Variants in IGF2BP1 observed in about 807,000 individuals in gnomAD.
The protein encoded by IGF2BP1 is insulin-like growth factor 2 mRNA-binding protein 1.
A neutral mutation model predicts 74.9 loss-of-function variants in IGF2BP1; 11 were observed. The observed-to-expected ratio is 0.15, with a 90% confidence interval of 0.09 to 0.24. IGF2BP1 has a LOEUF of 0.24. IGF2BP1 is among the 10% of genes least tolerant of loss of function. The pLI is 1.00. For synonymous variants in IGF2BP1, 287 were observed against 281.8 expected, an observed-to-expected ratio of 1.02 and a Z score of -0.18; for missense variants, 440 against 757.4, an observed-to-expected ratio of 0.58 and a Z score of 4.92.
At chr17:49,018,600 G>A (rs1433384223) in intron 2 of IGF2BP1, among the ~76,000 whole-genome samples, 2 of 151,722 alleles carry the variant, frequency 1.3e-5, no homozygotes, top group Non-Finnish European at 2.9e-5. Flanking sequence ...GAAATGGTGT[G>A]CAAAGTGCAT....
At chr17:49,045,646 T>A (rs2042100904) in intron 12 of IGF2BP1, among the ~76,000 whole-genome samples, 1 of 152,158 alleles carries the variant, frequency 6.6e-6, no homozygotes, top group Non-Finnish European at 1.5e-5. Context: ...CCTTGGGAAG[T>A]GTTTATTCAA....
chr17:49,044,851 C>T (rs2042092870), intron 11 of IGF2BP1, 140 bp from the exon 12 acceptor site: 1 of 699,558 alleles, frequency 1.4e-6, no homozygotes, highest in African/African-American at 1.8e-5. Flanking sequence ...ATGTGGGCTT[C>T]AGGGTCTTTG....
chr17:49,008,810 A>C (rs185761380), intron 2 of IGF2BP1, among the ~76,000 whole-genome samples: 3 of 152,218 alleles, frequency 2.0e-5, no homozygotes, highest in Non-Finnish European at 2.9e-5. Flanking sequence ...ACATTTAACA[A>C]GATGCTGCAG....
At chr17:49,042,207 C>T in intron 8 of IGF2BP1, 35 bp from the exon 9 acceptor site, 1 of 1,613,512 alleles carries the variant, frequency 6.2e-7, no homozygotes, top group Non-Finnish European at 8.5e-7. Context: ...TCCTGGCCTG[C>T]CAGTGAAAGG....
At chr17:49,032,015 G>T (rs778357471) in intron 5 of IGF2BP1, 42 bp downstream of exon 5, 7 of 1,481,588 alleles carry the variant, frequency 4.7e-6, no homozygotes, top group African/African-American at 2.8e-5. Flanking sequence ...GTGGGGGGGG[G>T]TTCTGTGAAG....
chr17:49,019,457 G>A (rs768577764), intron 2 of IGF2BP1, among the ~76,000 whole-genome samples: 3 of 151,986 alleles, frequency 2.0e-5, no homozygotes, highest in Non-Finnish European at 2.9e-5. Flanking sequence ...CTGGAATTAC[G>A]TCTTTTTAGT....
At chr17:49,026,310 C>T (rs766133247) in intron 3 of IGF2BP1, 156 bp from the exon 4 acceptor site, 10 of 633,942 alleles carry the variant, frequency 1.6e-5, no homozygotes, top group South Asian at 2.0e-5. Flanking sequence ...TCAGCATTAG[C>T]ACCCTAGAAA....
intron 2 of IGF2BP1, among the ~76,000 whole-genome samples, chr17:49,022,202 G>A (rs536989176): frequency 6.6e-6 from 1 of 152,248 alleles, no homozygotes; most frequent in Admixed American, 6.5e-5. Context: ...CCAACACACT[G>A]CCCCAGCTCA....
chr17:49,015,438 G>T (rs1356965059), intron 2 of IGF2BP1, among the ~76,000 whole-genome samples: 1 of 152,202 alleles, frequency 6.6e-6, no homozygotes, highest in Non-Finnish European at 1.5e-5. Flanking sequence ...CCCGGGGGAA[G>T]ATTCCGAAAC....
chr17:49,040,264 G>A (rs2042036116), intron 7 of IGF2BP1, among the ~76,000 whole-genome samples, 173 bp downstream of exon 7: 1 of 152,244 alleles, frequency 6.6e-6, no homozygotes, highest in African/African-American at 2.4e-5. Context: ...CACCTAGGCT[G>A]GAGTACAGTG....
chr17:49,028,157 T>G (rs2041880557), intron 4 of IGF2BP1, among the ~76,000 whole-genome samples: 1 of 152,176 alleles, frequency 6.6e-6, no homozygotes, highest in Non-Finnish European at 1.5e-5. Context: ...AGACTCTGTA[T>G]TGTCTCAAAA....
chr17:49,044,456 C>T (rs2042087979), intron 11 of IGF2BP1, among the ~76,000 whole-genome samples: 1 of 152,228 alleles, frequency 6.6e-6, no homozygotes, highest in African/African-American at 2.4e-5. Flanking sequence ...GCAGCCAAAG[C>T]CCTTCGCTCA....
chr17:49,041,093 C>T (rs544016742), intron 7 of IGF2BP1, among the ~76,000 whole-genome samples: 3 of 152,208 alleles, frequency 2.0e-5, no homozygotes, highest in East Asian at 1.9e-4. Context: ...AAGGGAGGAT[C>T]GCATGAGCCC....
At chr17:49,049,289 C>T in intron 14 of IGF2BP1, 63 bp from the exon 15 acceptor site, 3 of 1,424,932 alleles carry the variant, frequency 2.1e-6, no homozygotes, top group African/African-American at 2.8e-5. Context: ...GATGACCTCT[C>T]TTCCGTGGAA....
intron 6 of IGF2BP1, 32 bp downstream of exon 6, chr17:49,038,481 G>T (rs1281691752): frequency 1.4e-6 from 2 of 1,442,286 alleles, no homozygotes; most frequent in Non-Finnish European, 1.8e-6. Context: ...ATGGAGGTTG[G>T]GTGCTAGGGA....
At chr17:49,010,278 A>G (rs1362794437) in intron 2 of IGF2BP1, among the ~76,000 whole-genome samples, 1 of 131,516 alleles carries the variant, frequency 7.6e-6, no homozygotes. Flanking sequence ...TTTAAAAACT[A>G]TTGCCAGTTT....
At chr17:49,036,904 C>CT (rs2041996086) in intron 5 of IGF2BP1, 2 of 172,564 alleles carry the variant, frequency 1.2e-5, no homozygotes, top group African/African-American at 4.8e-5. Flanking sequence ...CGCCATTGCA[C>CT]TGCAGCCTGG....
intron 6 of IGF2BP1, among the ~76,000 whole-genome samples, chr17:49,038,778 C>T (rs1303113595): frequency 6.6e-6 from 1 of 151,974 alleles, no homozygotes; most frequent in African/African-American, 2.4e-5. Flanking sequence ...TTCATGATCA[C>T]TTAGTGTGGT....
At position 49,043,513 on chromosome 17, in the gene IGF2BP1, G is replaced by A. The variant is rs759245152; in HGVS notation, c.1163G>A (p.Ser388Asn). ...ASSSAVPPPPSSVTGAAPYSS... is the reference protein window; with the variant it reads ...ASSSAVPPPPNSVTGAAPYSS... ...TCCAGCGCAGTCCCGCCGCCTCCCA[G>A]CAGCGTTACTGGGGCTGCTCCCTAT... is the stretch of plus-strand genomic sequence containing the variant. The change falls in exon 10 of 15, where the codon AGC (serine) becomes AAC (asparagine). Residue 388 changes from serine to asparagine, a missense_variant. Ser to Asn is a conservative substitution (Grantham distance 46, BLOSUM62 1). Transcript: ENST00000290341. 1.2e-6 allele frequency: 2 copies of A among 1,614,116 alleles called. No homozygotes were observed. The highest frequency in any genetic ancestry group is 1.7e-6 in the Non-Finnish European group (2 of 1,179,988).
Sources: allele counts gnomAD v4.1 joint callset (sites outside exome capture counted in the v4.1 genomes callset), GRCh38; gene constraint gnomAD v4.1.1; transcripts MANE v1.5; gene names NCBI Gene and HGNC (gene_info 2026-07-23, HGNC 2026-07-21).